LLGL2: variants seen among roughly 807,000 people sequenced by gnomAD.
The protein encoded by LLGL2 is LLGL2, scribble cell polarity complex component.
LLGL2 carries 81 observed loss-of-function variants against 123.2 expected under a neutral mutation model. That is an observed-to-expected ratio of 0.66 (90% confidence interval 0.55 to 0.79). The LOEUF (loss-of-function observed/expected upper bound fraction) is 0.79, where lower values mean the gene tolerates loss of function less well. Among genes scored for constraint, LLGL2 ranks in the 30% least tolerant of loss-of-function variants. The probability of loss-of-function intolerance (pLI) is 0.00; values close to 1 mark genes in which losing one functional copy is unlikely to be tolerated. For missense variants in LLGL2, 1,273 were observed against 1,414.6 expected, an observed-to-expected ratio of 0.90 and a Z score of 1.61; for synonymous variants, 577 against 594.1, an observed-to-expected ratio of 0.97 and a Z score of 0.42.
chr17:75,528,882 G>A (rs1224776713), intron 1 of LLGL2, among the ~76,000 whole-genome samples: 1 of 152,142 alleles, frequency 6.6e-6, no homozygotes, highest in East Asian at 1.9e-4. Flanking sequence ...AATTAGGCCG[G>A]GCAAGGTGGC....
In LLGL2 at chr17:75,568,882, T is replaced by C. The variant is rs1216703227; in HGVS notation, c.1322+43T>C. On this transcript the variant is annotated intron_variant, in intron 12 of 25. Transcript: ENST00000392550. ...TACCCCACCTCTTCCCAGTAGGATA[T>C]GTGGGGTGGGAGCAGAGCCCTGAGG... 1.9e-6 allele frequency: 3 copies of C among 1,563,726 alleles called. No homozygotes were observed. The Admixed American group carries it at 5.3e-5, about 28-fold the overall frequency.
At chr17:75,574,317 G>C in intron 23 of LLGL2, 57 bp downstream of exon 23, 1 of 1,522,238 alleles carries the variant, frequency 6.6e-7, no homozygotes, top group Non-Finnish European at 8.8e-7. Flanking sequence ...GGGGGTCAGG[G>C]TCAAGGGAGG....
chr17:75,537,557 G>A (rs1026158386), intron 1 of LLGL2, among the ~76,000 whole-genome samples: 4 of 152,120 alleles, frequency 2.6e-5, no homozygotes, highest in African/African-American at 7.2e-5. Flanking sequence ...AATTAGCCAG[G>A]CATGGTGGTG....
At position 75,563,445 on chromosome 17, in the gene LLGL2, C is replaced by T. The variant is rs761736519; in HGVS notation, c.808C>T (p.Arg270Cys). 57 of 1,612,534 alleles carry T rather than the reference C, an allele frequency of 3.5e-5. No homozygotes were observed. The highest frequency in any genetic ancestry group is 4.6e-5 in the Non-Finnish European group (54 of 1,180,020). The change falls in exon 8 of 26, where the codon CGC (arginine) becomes TGC (cysteine). Residue 270 changes from arginine to cysteine, a missense_variant. Transcript: ENST00000392550. ...SSEAQQPEPLRSLVPYGPFPC... is the reference protein window; with the variant it reads ...SSEAQQPEPLCSLVPYGPFPC... ...CGAAGCCCAGCAACCAGAGCCCCTCCGCAGCCTCGTGCCTTACGGTCAGTG... is the reference window on the plus strand; with the variant it reads ...CGAAGCCCAGCAACCAGAGCCCCTCTGCAGCCTCGTGCCTTACGGTCAGTG...
Position 75,570,455 on chromosome 17 carries a change from G to A in LLGL2, c.1982G>A (p.Arg661Gln), listed in dbSNP as rs772079289. 53 of 1,594,394 alleles carry A rather than the reference G, an allele frequency of 3.3e-5. No homozygotes were observed. Among genetic ancestry groups the A allele is most frequent in the Non-Finnish European group, 4.3e-5 (50 of 1,171,798 alleles). The change falls in exon 16 of 26, where the codon CGG becomes CAG. Residue 661 changes from arginine (R) to glutamine (Q), a missense_variant. Physicochemically the swap from Arg to Gln is conservative, Grantham distance 43. Coordinates refer to ENST00000392550, the MANE Select transcript of LLGL2 (RefSeq NM_001031803.2). ...RQSFRRMRRS[R>Q]VSSRKRHPAG... is the part of the protein sequence containing the mutation. The stretch of plus-strand genomic sequence containing the variant: ...TCATTCCGCCGGATGCGTCGGAGCC[G>A]GGTGTCCAGCCGGAAGCGGCACCCG...
At position 75,559,387 on chromosome 17, in the gene LLGL2, C is replaced by T. The variant is rs1238534505; in HGVS notation, c.507C>T (p.Ile169=). 2 of 1,611,818 alleles carry T rather than the reference C, an allele frequency of 1.2e-6. No individual in the cohort carries two copies. The highest frequency in any genetic ancestry group is 8.5e-7 in the Non-Finnish European group (1 of 1,179,284). Residue 169 remains isoleucine (I), a synonymous_variant, in exon 6 of 26, where the codon ATC becomes ATT. Transcript: ENST00000392550. This position sits in a 1 kb window ranked among gnomAD's most constrained non-coding sequence, Gnocchi z 4.6. ...PAFRALEDRT[I]SSDAVLQRLP... ...TTCGTGCGCTGGAGGACCGGACCAT[C>T]AGCTCGGACGCGGTGCTGCAGCGGT...
At position 75,558,272 on chromosome 17, in the gene LLGL2, A is replaced by G. The variant is rs759024622; in HGVS notation, c.255+36A>G. 3 of 1,578,128 alleles carry G rather than the reference A, an allele frequency of 1.9e-6. No individual in the cohort carries two copies. Among genetic ancestry groups the G allele is most frequent in the African/African-American group, 2.7e-5 (2 of 74,270 alleles). ...TGGGGTGGGACAGGAAGCCACTTCC[A>G]TGCCCTCCTTGCCTTCACTGCTTCC... On this transcript the variant is annotated intron_variant, in intron 4 of 25. Coordinates refer to ENST00000392550, the MANE Select transcript of LLGL2 (RefSeq NM_001031803.2). The surrounding 1 kb of genome is among the most constrained non-coding windows in gnomAD (Gnocchi z 4.0).
chr17:75,537,913 A>G (rs969287671), intron 1 of LLGL2, among the ~76,000 whole-genome samples: 1 of 151,072 alleles, frequency 6.6e-6, no homozygotes, highest in African/African-American at 2.4e-5. Context: ...GGTTCAAGCA[A>G]TTCTCCTGCC....
At position 75,544,462 on chromosome 17, in the gene LLGL2, T is replaced by C. The variant is rs973382029; in HGVS notation, c.75+961T>C. On this transcript the variant is annotated intron_variant, in intron 2 of 25. Transcript: ENST00000392550. The surrounding 1 kb of genome is among the most constrained non-coding windows in gnomAD (Gnocchi z 4.2). ...GTGGAGAATGAGGAAGTCTCTTTGG[T>C]TGTATTTTTGTTATTGATTTGAGAA... Among the ~76,000 whole-genome samples, 22 of 152,262 alleles carry C rather than the reference T, an allele frequency of 1.4e-4. No individual in the cohort carries two copies. The highest frequency in any genetic ancestry group is 3.4e-3 in the Middle Eastern group (1 of 294).
chr17:75,571,178 C>A, intron 17 of LLGL2, 78 bp downstream of exon 17: 1 of 1,371,154 alleles, frequency 7.3e-7, no homozygotes, highest in Non-Finnish European at 1.0e-6. Flanking sequence ...ATGCCGGGGG[C>A]TGCTGCCTGC....
At chr17:75,555,470 A>G (rs1424252297) in intron 2 of LLGL2, among the ~76,000 whole-genome samples, 1 of 152,054 alleles carries the variant, frequency 6.6e-6, no homozygotes, top group Non-Finnish European at 1.5e-5. Context: ...CGTATGTGCA[A>G]CGACACTCCA....
At position 75,530,296 on chromosome 17, in the gene LLGL2, A is replaced by G. The variant is rs190986634; in HGVS notation, c.-31+4471A>G. Among the ~76,000 whole-genome samples the G allele has an allele frequency of 5.3e-5, 8 of 152,248 alleles. No individual in the cohort carries two copies. The East Asian group carries it at 1.5e-3, about 29-fold the overall frequency. ...GGAGGGAGGATTGCTTGAACCCAGG[A>G]GTTCAAGACCAGCCTGGGCAACAGT... On this transcript the variant is annotated intron_variant, in intron 1 of 25. Coordinates refer to ENST00000392550, the MANE Select transcript of LLGL2 (RefSeq NM_001031803.2).
intron 8 of LLGL2, 63 bp downstream of exon 8, chr17:75,563,526 G>T: frequency 6.3e-7 from 1 of 1,596,222 alleles, no homozygotes. Flanking sequence ...GGTGCAGGTT[G>T]CTCAATTCTG....
Position 75,562,116 on chromosome 17 carries a change from T to C in LLGL2, c.531-900T>C, listed in dbSNP as rs138247812. On this transcript the variant is annotated intron_variant, in intron 6 of 25. Transcript: ENST00000392550. ...TCCTTGCTGTTGGCTGTTGGTCCTG[T>C]GCCTGCTGCCTTGTGGTTTTTTTGT... 3.6e-4 allele frequency among the ~76,000 whole-genome samples: 52 copies of C among 143,600 alleles called. No individual in the cohort carries two copies. In the East Asian group the frequency reaches 9.5e-3, roughly 26 times the overall value. The allele number at this position is 143,600 out of a possible 152,430, so 94.2% of individuals were successfully genotyped here.
intron 14 of LLGL2, 105 bp from the exon 15 acceptor site, chr17:75,569,858 C>T (rs988132250): frequency 7.9e-7 from 1 of 1,265,092 alleles, no homozygotes; most frequent in Non-Finnish European, 1.1e-6. Context: ...CTTTGTCCTT[C>T]CTTGAGCCTT....
At chr17:75,571,515 G>T in intron 17 of LLGL2, 152 bp from the exon 18 acceptor site, 1 of 639,070 alleles carries the variant, frequency 1.6e-6, no homozygotes, top group African/African-American at 1.8e-5. Flanking sequence ...GAGCTGACCT[G>T]GGATTGGGGT....
intron 1 of LLGL2, among the ~76,000 whole-genome samples, chr17:75,534,749 G>A (rs2053937987): frequency 6.6e-6 from 1 of 152,212 alleles, no homozygotes; most frequent in Non-Finnish European, 1.5e-5. Context: ...CCAAAGTGCT[G>A]GGATTACAGG....
chr17:75,527,933 G>A (rs149561438), intron 1 of LLGL2, among the ~76,000 whole-genome samples: 161 of 150,616 alleles, frequency 1.1e-3, no homozygotes, highest in Non-Finnish European at 2.0e-3. Context: ...GACTACAAGC[G>A]CGCAGCACCA....
At chr17:75,540,044 G>A (rs1164270976) in intron 1 of LLGL2, among the ~76,000 whole-genome samples, 1 of 147,590 alleles carries the variant, frequency 6.8e-6, no homozygotes, top group Non-Finnish European at 1.5e-5. Context: ...GTGGGAGGGA[G>A]TGCCATCCCC....
Sources: gnomAD v4.1 joint callset for allele counts (sites outside exome capture counted in the v4.1 genomes callset) on GRCh38, gnomAD v4.1.1 for gene constraint, Gnocchi (gnomAD v3.1) non-coding constraint, MANE v1.5 for transcripts, NCBI Gene and HGNC (gene_info 2026-07-23, HGNC 2026-07-21) for gene names.